The following NDUFAB1 variants were observed in gnomAD, a reference collection of about 807,000 sequenced individuals.
The protein encoded by NDUFAB1 is NADH:ubiquinone oxidoreductase subunit AB1, also known as acyl carrier protein, mitochondrial.
NDUFAB1 carries 5 observed loss-of-function variants against 16.1 expected under a neutral mutation model. The observed-to-expected ratio is 0.31, with a 90% CI of 0.16 to 0.65. The LOEUF (loss-of-function observed/expected upper bound fraction) is 0.65, where lower values mean the gene tolerates loss of function less well. Ranked by LOEUF, NDUFAB1 falls within the 30% of genes least tolerant of loss-of-function variation. The probability of loss-of-function intolerance (pLI) is 0.77; values close to 1 mark genes in which losing one functional copy is unlikely to be tolerated. For missense variants in NDUFAB1, 187 were observed against 205.3 expected (o/e 0.91, Z 0.54); for synonymous variants, 85 against 78.4 (o/e 1.08, Z -0.44).
rs1355480294 is a variant in NDUFAB1 at position 23,585,371 on chromosome 16, T to C, written c.344A>G (p.Gln115Arg). The C allele has an allele frequency of 6.2e-7, 1 of 1,614,030 alleles. No homozygotes were observed. Among genetic ancestry groups the C allele is most frequent in the Admixed American group, 1.7e-5 (1 of 60,024 alleles). The part of the protein sequence containing the change: ...MKDLGLDSLD[Q>R]VEIIMAMEDE... ...TTCCATGGCCATGATAATCTCCACT[T>C]GGTCCAAACTGTCTAAGCCCAGGTC... The change falls in exon 3 of 5, where the codon CAA becomes CGA. Residue 115 changes from glutamine (Q) to arginine (R), a missense_variant. Coordinates refer to ENST00000007516, the MANE Select transcript of NDUFAB1 (RefSeq NM_005003.3).
At chr16:23,595,831 C>G (rs558256402) in intron 1 of NDUFAB1, among the ~76,000 whole-genome samples, 1 of 152,380 alleles carries the variant, frequency 6.6e-6, no homozygotes, top group Admixed American at 6.5e-5. Flanking sequence ...AGACCAGGAT[C>G]CCAATTTTGC....
intron 1 of NDUFAB1, 128 bp from the exon 2 acceptor site, chr16:23,587,447 T>TGTGTCCTG: frequency 1.4e-5 from 17 of 1,194,522 alleles, no homozygotes; most frequent in Non-Finnish European, 1.8e-5. Flanking sequence ...TGATTCTCAT[T>TGTGTCCTG]GTGGCCACCA....
intron 2 of NDUFAB1, among the ~76,000 whole-genome samples, chr16:23,586,879 C>T (rs556526073): frequency 1.3e-5 from 2 of 149,204 alleles, no homozygotes; most frequent in Non-Finnish European, 3.0e-5. Flanking sequence ...AATTCCCGAC[C>T]TCAGGTGATC....
At chr16:23,588,283 C>T (rs111304064) in intron 1 of NDUFAB1, among the ~76,000 whole-genome samples, 61 of 151,150 alleles carry the variant, frequency 4.0e-4, no homozygotes, top group Middle Eastern at 3.4e-3. Context: ...GGTGAAACCC[C>T]GTCTCTACTA....
intron 3 of NDUFAB1, among the ~76,000 whole-genome samples, chr16:23,584,254 T>TAAAAAAAAAAAAAAAAAAAAAAA (rs774895056): frequency 3.3e-4 from 4 of 12,118 alleles, no homozygotes; most frequent in Non-Finnish European, 9.1e-4. Flanking sequence ...GAATGATCAA[T>TAAAAAAAAAAAAAAAAAAAAAAA]TAAAAAAAAA....
intron 1 of NDUFAB1, among the ~76,000 whole-genome samples, chr16:23,594,025 C>T (rs112401823): frequency 0.013 from 1,979 of 151,944 alleles, 19 homozygotes; most frequent in South Asian, 0.02. Flanking sequence ...GGACTACAGG[C>T]GCCCGCCACC....
At chr16:23,582,414 A>C (rs768092668) in intron 3 of NDUFAB1, 39 bp from the exon 4 acceptor site, 43 of 1,508,196 alleles carry the variant, frequency 2.9e-5, no homozygotes, top group Non-Finnish European at 3.8e-5. Context: ...AGAGTTAAAA[A>C]AAAAAAATCC....
intron 1 of NDUFAB1, among the ~76,000 whole-genome samples, chr16:23,595,912 C>G (rs1187881363): frequency 6.6e-6 from 1 of 152,236 alleles, no homozygotes. Flanking sequence ...GTGCTGGACT[C>G]GAGTCAGTGC....
chr16:23,593,849 C>CTTAT (rs57003710), intron 1 of NDUFAB1, among the ~76,000 whole-genome samples: 6,381 of 143,550 alleles, frequency 0.044, 182 homozygotes, highest in South Asian at 0.056. Context: ...CTTTTTAACC[C>CTTAT]TTATTTATTT....
rs1966187355 is a variant in NDUFAB1 at position 23,582,378 on chromosome 16, A to G, written c.380-3T>C. On this transcript the variant is annotated splice_polypyrimidine_tract_variant and splice_region_variant and intron_variant, in intron 3 of 4. Transcript: ENST00000007516. ...ATCTATATCAGGAATTTCAAACCCT[A>G]AAAGAAAAATATACAACAATGTGAG... is the stretch of plus-strand genomic sequence containing the variant. 3 of 1,560,000 alleles carry G rather than the reference A, an allele frequency of 1.9e-6. No individual in the cohort carries two copies. Among genetic ancestry groups the G allele is most frequent in the Admixed American group, 2.1e-5 (1 of 48,450 alleles).
chr16:23,593,537 T>C (rs2142239112), intron 1 of NDUFAB1, among the ~76,000 whole-genome samples: 1 of 152,298 alleles, frequency 6.6e-6, no homozygotes, highest in East Asian at 1.9e-4. Context: ...TAAATATAAA[T>C]AAAATGGTTC....
At chr16:23,584,273 A>AAAAAAAAAAAAAAAAAAAAAAAC in intron 3 of NDUFAB1, among the ~76,000 whole-genome samples, 1 of 139,726 alleles carries the variant, frequency 7.2e-6, no homozygotes, top group Non-Finnish European at 1.6e-5. Context: ...AAAAAAAAAA[A>AAAAAAAAAAAAAAAAAAAAAAAC]AGAAACCCAG....
chr16:23,583,946 C>CTA (rs914301474), intron 3 of NDUFAB1, among the ~76,000 whole-genome samples: 2 of 151,520 alleles, frequency 1.3e-5, no homozygotes, highest in Non-Finnish European at 2.9e-5. Context: ...TGCTGTTGAT[C>CTA]TATGACCTTA....
In NDUFAB1 at chr16:23,596,171, C is replaced by T. The variant is rs1408540933; in HGVS notation, c.120G>A (p.Gly40=). 6.2e-6 allele frequency: 10 copies of T among 1,610,940 alleles called. No individual in the cohort carries two copies. Among genetic ancestry groups the T allele is most frequent in the African/African-American group, 4.0e-5 (3 of 74,522 alleles). The change falls in exon 1 of 5, where the codon GGG becomes GGA. Residue 40 remains glycine, a synonymous_variant. Coordinates refer to ENST00000007516, the MANE Select transcript of NDUFAB1 (RefSeq NM_005003.3). ...RPLSTALCSA[G]TQTRLGTLQP... The stretch of plus-strand genomic sequence containing the variant: ...GCAAAGTCCCGAGCCTCGTCTGGGT[C>T]CCCGCGGAGCAGAGAGCGGTGCTGA...
chr16:23,589,282 G>A (rs1252501838), intron 1 of NDUFAB1, among the ~76,000 whole-genome samples: 1 of 150,274 alleles, frequency 6.7e-6, no homozygotes, highest in Non-Finnish European at 1.5e-5. Context: ...GGGTGACAGA[G>A]TGAGATTCCG....
At chr16:23,582,565 ATGTT>A (rs56827728) in intron 3 of NDUFAB1, among the ~76,000 whole-genome samples, 190 bp from the exon 4 acceptor site, 4,359 of 151,560 alleles carry the variant, frequency 0.029, 90 homozygotes, top group African/African-American at 0.054. Context: ...CTTTGGAGGT[ATGTT>A]TGTTTGTTTG....
In NDUFAB1 at chr16:23,583,735, G is replaced by A. The variant is rs531290789; in HGVS notation, c.380-1360C>T. On this transcript the variant is annotated intron_variant, in intron 3 of 4. Coordinates refer to ENST00000007516, the MANE Select transcript of NDUFAB1 (RefSeq NM_005003.3). ...TGGGAAGTGAGGAGCGTCTCCGCCCGGCAGCCGCCCCGTCAGGGAGGTGTA... is the reference window on the plus strand; with the variant it reads ...TGGGAAGTGAGGAGCGTCTCCGCCCAGCAGCCGCCCCGTCAGGGAGGTGTA... Among the ~76,000 whole-genome samples the A allele has an allele frequency of 1.6e-4, 24 of 149,522 alleles. 3 individuals are homozygous for A. Among genetic ancestry groups the A allele is most frequent in the South Asian group, 1.5e-3 (7 of 4,762 alleles).
Position 23,596,141 on chromosome 16 carries a change from C to G in NDUFAB1, c.150G>C (p.Pro50=). The change falls in exon 1 of 5, where the codon CCG becomes CCC. Residue 50 remains proline, a synonymous_variant. Transcript: ENST00000007516. ...GTQTRLGTLQ[P]ALVLAQVPGR... The stretch of plus-strand genomic sequence containing the variant: ...GAGTCACCTGCGCGAGCACTAAGGC[C>G]GGCTGCAAAGTCCCGAGCCTCGTCT... 1 of 1,608,522 alleles carries G rather than the reference C, an allele frequency of 6.2e-7. No homozygotes were observed. The highest frequency in any genetic ancestry group is 1.1e-5 in the South Asian group (1 of 90,508).
At chr16:23,587,089 G>T in intron 2 of NDUFAB1, 108 bp downstream of exon 2, 1 of 1,126,556 alleles carries the variant, frequency 8.9e-7, no homozygotes, top group Non-Finnish European at 1.3e-6. Flanking sequence ...GGGCCTGGGT[G>T]TCTGGGAGCC....
Sources: gnomAD v4.1 joint callset for allele counts (sites outside exome capture counted in the v4.1 genomes callset) on GRCh38, gnomAD v4.1.1 for gene constraint, MANE v1.5 for transcripts, NCBI Gene and HGNC (gene_info 2026-07-23, HGNC 2026-07-21) for gene names.